The following COTL1 variants were observed in gnomAD, a reference collection of about 807,000 sequenced individuals.
The protein encoded by COTL1 is coactosin like F-actin binding protein 1, also known as coactosin-like protein.
Under a neutral mutation model 16.5 loss-of-function variants are expected in COTL1, and 15 were observed. The observed-to-expected ratio is 0.91, with a 90% CI of 0.61 to 1.40. The LOEUF (loss-of-function observed/expected upper bound fraction) is 1.40, where lower values mean the gene tolerates loss of function less well. Ranked by LOEUF, COTL1 falls within the 40% of genes most tolerant of loss-of-function variation. The pLI, the probability that COTL1 is intolerant of heterozygous loss-of-function variation, is 0.00. For missense variants in COTL1, 220 were observed against 201.5 expected (o/e 1.09, Z -0.56); for synonymous variants, 112 against 85.3 (o/e 1.31, Z -1.73).
intron 2 of COTL1, among the ~76,000 whole-genome samples, chr16:84,607,028 A>C (rs1201923040): frequency 6.6e-6 from 1 of 152,174 alleles, no homozygotes; most frequent in Non-Finnish European, 1.5e-5. Context: ...GGAGCAACAC[A>C]CCCATGGGGG....
intron 3 of COTL1, among the ~76,000 whole-genome samples, chr16:84,572,604 G>T (rs1214668726): frequency 6.6e-6 from 1 of 152,038 alleles, no homozygotes; most frequent in Non-Finnish European, 1.5e-5. Context: ...AGAAATACAG[G>T]CACAAGCCAC....
intron 1 of COTL1, 31 bp downstream of exon 1, chr16:84,617,807 C>A: frequency 6.4e-7 from 1 of 1,551,162 alleles, no homozygotes; most frequent in Non-Finnish European, 8.7e-7. Flanking sequence ...GCCCGGGGAG[C>A]GGGGCGTGGA....
chr16:84,586,070 C>T (rs982658681), intron 3 of COTL1, among the ~76,000 whole-genome samples: 1 of 152,184 alleles, frequency 6.6e-6, no homozygotes, highest in Non-Finnish European at 1.5e-5. Context: ...TTGACGGACA[C>T]TGAGGAAAGA....
At chr16:84,576,951 A>C (rs1187289442) in intron 3 of COTL1, 1 of 152,252 alleles carries the variant, frequency 6.6e-6, no homozygotes, top group East Asian at 1.9e-4. Context: ...TCTTTTCCAC[A>C]AGTGGGTGAT....
chr16:84,614,897 C>T (rs1905431540), intron 2 of COTL1, among the ~76,000 whole-genome samples: 1 of 152,078 alleles, frequency 6.6e-6, no homozygotes, highest in Admixed American at 6.5e-5. Context: ...AGCCAGCCTG[C>T]CTGGGTTCAA....
At chr16:84,614,615 C>T (rs117470613) in intron 2 of COTL1, among the ~76,000 whole-genome samples, 291 of 152,164 alleles carry the variant, frequency 1.9e-3, no homozygotes, top group Non-Finnish European at 2.9e-3. Context: ...CCCAGGAAGG[C>T]CCACACCCTG....
intron 3 of COTL1, chr16:84,569,214 G>C (rs1056703421): frequency 6.6e-6 from 1 of 152,262 alleles, no homozygotes; most frequent in Non-Finnish European, 1.5e-5. Flanking sequence ...CCAGCTACTG[G>C]GGAGGCTGAG....
chr16:84,598,162 G>T (rs187463179), intron 2 of COTL1, among the ~76,000 whole-genome samples: 1 of 152,248 alleles, frequency 6.6e-6, no homozygotes, highest in East Asian at 1.9e-4. Context: ...GAAGACTATG[G>T]ATGCCCTCCC....
At chr16:84,567,923 C>T (rs1265472198) in intron 3 of COTL1, 1 of 151,638 alleles carries the variant, frequency 6.6e-6, no homozygotes, top group Non-Finnish European at 1.5e-5. Context: ...CTATCAAAAC[C>T]ACAAATAACA....
chr16:84,574,279 C>A (rs1301421770), intron 3 of COTL1, among the ~76,000 whole-genome samples: 1 of 152,358 alleles, frequency 6.6e-6, no homozygotes, highest in East Asian at 1.9e-4. Flanking sequence ...CCCACTTTCT[C>A]CCCACATCCC....
At chr16:84,571,118 G>A (rs1393633223) in intron 3 of COTL1, among the ~76,000 whole-genome samples, 3 of 152,190 alleles carry the variant, frequency 2.0e-5, no homozygotes, top group Non-Finnish European at 1.5e-5. Flanking sequence ...GGGGTGGGCT[G>A]AAGACCTTGT....
At chr16:84,579,898 G>A (rs1452169245) in intron 3 of COTL1, among the ~76,000 whole-genome samples, 1 of 152,248 alleles carries the variant, frequency 6.6e-6, no homozygotes, top group Non-Finnish European at 1.5e-5. Flanking sequence ...TGAAGGCTGG[G>A]AAACATGCAC....
At chr16:84,582,835 C>T (rs1904629785) in intron 3 of COTL1, among the ~76,000 whole-genome samples, 1 of 152,078 alleles carries the variant, frequency 6.6e-6, no homozygotes, top group Non-Finnish European at 1.5e-5. Context: ...CAAAGTCCTA[C>T]ACCTGTGAGC....
At chr16:84,592,063 C>T (rs1904883609) in intron 2 of COTL1, among the ~76,000 whole-genome samples, 1 of 152,170 alleles carries the variant, frequency 6.6e-6, no homozygotes, top group Admixed American at 6.5e-5. Flanking sequence ...CACCCCTCAC[C>T]TGGCCCCACC....
At chr16:84,615,831 C>T (rs1000108055) in intron 2 of COTL1, among the ~76,000 whole-genome samples, 5 of 147,226 alleles carry the variant, frequency 3.4e-5, no homozygotes, top group Non-Finnish European at 5.9e-5. Context: ...CTACAGGCAG[C>T]GCTCAAGGAG....
At chr16:84,601,717 G>A (rs1205775669) in intron 2 of COTL1, among the ~76,000 whole-genome samples, 1 of 152,200 alleles carries the variant, frequency 6.6e-6, no homozygotes, top group Non-Finnish European at 1.5e-5. Context: ...GCCTCCCAAA[G>A]TGCTGGGACT....
intron 2 of COTL1, among the ~76,000 whole-genome samples, chr16:84,597,143 G>A (rs1905022073): frequency 6.6e-6 from 1 of 152,218 alleles, no homozygotes; most frequent in Admixed American, 6.5e-5. Flanking sequence ...GGGTTTCAGA[G>A]TGAGGCACTC....
At chr16:84,593,656 C>T (rs908221760) in intron 2 of COTL1, among the ~76,000 whole-genome samples, 10 of 152,040 alleles carry the variant, frequency 6.6e-5, no homozygotes, top group African/African-American at 2.2e-4. Context: ...GGACTACAGG[C>T]GCCCGCCACC....
intron 2 of COTL1, among the ~76,000 whole-genome samples, chr16:84,606,717 G>T (rs764035315): frequency 8.5e-5 from 13 of 152,138 alleles, no homozygotes; most frequent in Non-Finnish European, 1.6e-4. Flanking sequence ...AAACCCTAAA[G>T]CCCCTAAAGG....
Sources: gnomAD v4.1 joint callset for allele counts (sites outside exome capture counted in the v4.1 genomes callset) on GRCh38, gnomAD v4.1.1 for gene constraint, MANE v1.5 for transcripts, NCBI Gene and HGNC (gene_info 2026-07-23, HGNC 2026-07-21) for gene names.